The following KMT2D variants were observed in gnomAD, a reference collection of about 807,000 sequenced individuals.
KMT2D encodes lysine methyltransferase 2D, also known as histone-lysine N-methyltransferase 2D.
In KMT2D, 55 loss-of-function variants were observed where a neutral mutation model predicts 512.7. That is an observed-to-expected ratio of 0.11 (90% CI 0.09 to 0.13). The LOEUF (loss-of-function observed/expected upper bound fraction) is 0.13. Among genes scored for constraint, KMT2D ranks in the 10% least tolerant of loss-of-function variants. The pLI is 1.00. For synonymous variants in KMT2D, 2,995 were observed against 2,904.0 expected (o/e 1.03, Z -1.01); for missense variants, 6,061 against 7,127.9 (o/e 0.85, Z 5.39).
At chr12:49,057,961 T>C (rs1423933555) in intron 1 of KMT2D, among the ~76,000 whole-genome samples, 1 of 152,064 alleles carries the variant, frequency 6.6e-6, no homozygotes, top group Non-Finnish European at 1.5e-5. Context: ...CTCAACCCAC[T>C]CTCCTTCCTG....
intron 13 of KMT2D, among the ~76,000 whole-genome samples, 161 bp downstream of exon 13, chr12:49,048,944 A>T (rs1937730539): frequency 6.6e-6 from 1 of 152,264 alleles, no homozygotes; most frequent in Admixed American, 6.5e-5. Context: ...CTGATAGCAG[A>T]GATTTCAGAA....
rs7488249 is a variant in KMT2D, at chr12:49,022,892, T to A, written c.16053-17A>T. On this transcript the variant is annotated splice_polypyrimidine_tract_variant and intron_variant, in intron 51 of 54. Coordinates refer to ENST00000301067, the MANE Select transcript of KMT2D (RefSeq NM_003482.4). This position sits in a 1 kb window ranked among gnomAD's most constrained non-coding sequence, Gnocchi z 8.6. ...GTATGGGGCCTGGGAGGTGATATAA[T>A]CCATGACAAGACAGCTCTCCCTCAG... is the stretch of plus-strand genomic sequence containing the variant. 1 of 1,564,568 alleles carries A rather than the reference T, an allele frequency of 6.4e-7. No homozygotes were observed. Among genetic ancestry groups the A allele is most frequent in the Non-Finnish European group, 8.7e-7 (1 of 1,152,016 alleles).
chr12:49,027,721 T>C (rs528849416), intron 48 of KMT2D, 82 bp downstream of exon 48: 31 of 1,516,662 alleles, frequency 2.0e-5, no homozygotes, highest in Non-Finnish European at 2.7e-5. Flanking sequence ...CCCAAAGCAC[T>C]GGGATTACAG....
intron 44 of KMT2D, 34 bp downstream of exon 44, chr12:49,029,367 T>C (rs1942771544): frequency 7.7e-6 from 12 of 1,556,612 alleles, no homozygotes; most frequent in Non-Finnish European, 9.6e-6. Flanking sequence ...ACCCCACCCT[T>C]GTTCCTCATC....
Position 49,027,746 on chromosome 12 carries a change from G to A in KMT2D, c.14643+57C>T, listed in dbSNP as rs191006704. The A allele has an allele frequency of 6.7e-4, 1,035 of 1,548,872 alleles. 2 individuals carry two copies. The highest frequency in any genetic ancestry group is 8.8e-4 in the Non-Finnish European group (1,005 of 1,144,790). The stretch of plus-strand genomic sequence containing the variant: ...TGGGATTACAGATGTGAGCCACCGC[G>A]CCTGGCCGGCAGCCCCTTTTTTCTA... On this transcript the variant is annotated intron_variant, in intron 48 of 54. Coordinates refer to ENST00000301067, the MANE Select transcript of KMT2D (RefSeq NM_003482.4).
In KMT2D at chr12:49,046,228, G is replaced by C. The variant is rs2120603066; in HGVS notation, c.4583+32C>G. The C allele has an allele frequency of 6.2e-7, 1 of 1,613,748 alleles. No homozygotes were observed. The highest frequency in any genetic ancestry group is 8.5e-7 in the Non-Finnish European group (1 of 1,179,750). ...CTCAGGCAATGCGAGGCTGGCAACA[G>C]GGCCAAAGTGAGGAGAAAGGGATGT... On this transcript the variant is annotated intron_variant, in intron 17 of 54. Coordinates refer to ENST00000301067, the MANE Select transcript of KMT2D (RefSeq NM_003482.4). The surrounding 1 kb of genome is among the most constrained non-coding windows in gnomAD (Gnocchi z 4.2).
At position 49,051,203 on chromosome 12, in the gene KMT2D, TG is replaced by T; in HGVS notation, c.2479del (p.Gln827AsnfsTer103). On this transcript the variant is annotated frameshift_variant, in exon 11 of 55. Transcript: ENST00000301067. LOFTEE classifies it high-confidence loss of function. ...PVPEEPCLSPQPEESHLSPQS... is the reference protein window; with the variant it reads ...PVPEEPCLSPXPEESHLSPQS... Reference sequence around the variant, plus strand: ...GGGGGACAGGTGTGATTCCTCAGGTTGGGGGGACAAGCATGGCTCCTCAGGC... The same window carrying T: ...GGGGGACAGGTGTGATTCCTCAGGTTGGGGGACAAGCATGGCTCCTCAGGC... 4.4e-6 allele frequency: 6 copies of T among 1,361,888 alleles called. No individual in the cohort carries two copies. Among genetic ancestry groups the T allele is most frequent in the Non-Finnish European group, 5.8e-6 (6 of 1,038,972 alleles). The allele number at this position is 1,361,888 out of a possible 1,614,324, so 84.4% of individuals were successfully genotyped here.
chr12:49,027,217 G>A lies in KMT2D; in HGVS notation c.14749C>T (p.Pro4917Ser), dbSNP rs587778485. 4 of 1,543,118 alleles carry A rather than the reference G, an allele frequency of 2.6e-6. No homozygotes were observed. Among genetic ancestry groups the A allele is most frequent in the African/African-American group, 2.8e-5 (2 of 72,444 alleles). ...GGAGAAGGTGCCAAGGGGGAAGGGG[G>A]CGGGGAGGGTTCTTCAGGAGGTGGG... ...SAPPPEEPSP[P>S]PSPLAPSPAS... The change falls in exon 49 of 55, where the codon CCC becomes TCC. Residue 4917 changes from proline to serine, a missense_variant. Physicochemically the swap from Pro to Ser is moderately conservative, Grantham distance 74. Around this residue, in one of 16 missense-constraint regions of KMT2D, gnomAD observed 1,600 missense variants for 1,754.9 expected, o/e 0.91. Coordinates refer to ENST00000301067, the MANE Select transcript of KMT2D (RefSeq NM_003482.4).
Position 49,041,470 on chromosome 12 carries a change from C to G in KMT2D, c.6300G>C (p.Pro2100=), listed in dbSNP as rs914229837. 1.2e-6 allele frequency: 2 copies of G among 1,613,388 alleles called. No homozygotes were observed. Among genetic ancestry groups the G allele is most frequent in the Non-Finnish European group, 8.5e-7 (1 of 1,179,546 alleles). Residue 2100 remains proline (P), a synonymous_variant, in exon 32 of 55, where the codon CCG becomes CCC. Transcript: ENST00000301067. This position sits in a 1 kb window ranked among gnomAD's most constrained non-coding sequence, Gnocchi z 5.4. ...GCGGGGGAATGCGGAGATGTAGGGC[C>G]GGTCGGTCAGTCTTACGGGCTATGT... The part of the protein sequence containing the change: ...VGDIARKTDR[P]ALHLRIPPQP...
chr12:49,046,716 G>T lies in KMT2D; in HGVS notation c.4311C>A (p.Ser1437=), dbSNP rs754428432. Residue 1437 remains serine (S), a synonymous_variant, in exon 16 of 55, where the codon TCC becomes TCA. Coordinates refer to ENST00000301067, the MANE Select transcript of KMT2D (RefSeq NM_003482.4). The surrounding 1 kb of genome is among the most constrained non-coding windows in gnomAD (Gnocchi z 4.2). ...CACAGAGCAGCAGGCGTGAGGGGTC[G>T]GAGGCCTGGCCACACACCTCACACA... ...CIVCEVCGQA[S]DPSRLLLCDD... 6.2e-7 allele frequency: 1 copy of T among 1,613,866 alleles called. No individual in the cohort carries two copies.
intron 2 of KMT2D, 67 bp downstream of exon 2, chr12:49,055,208 GT>G: frequency 6.3e-7 from 1 of 1,584,102 alleles, no homozygotes; most frequent in Non-Finnish European, 8.7e-7. Context: ...TCATGTCCTT[GT>G]GCCAGGACCA....
At chr12:49,025,069 T>C (rs1188917637) in intron 49 of KMT2D, 123 bp from the exon 50 acceptor site, 39 of 1,176,970 alleles carry the variant, frequency 3.3e-5, no homozygotes, top group Non-Finnish European at 4.7e-5. Context: ...TGAAGTTGTG[T>C]TGGTCTTCCA....
chr12:49,024,301 C>T lies in KMT2D; in HGVS notation c.16052+277G>A, dbSNP rs1324234255. Reference sequence around the variant, plus strand: ...GGAGAAGAAAGAGGTGACCAAGTCCCTTATATATTTCATAAAATTTCACCA... The same window carrying T: ...GGAGAAGAAAGAGGTGACCAAGTCCTTTATATATTTCATAAAATTTCACCA... On this transcript the variant is annotated intron_variant, in intron 51 of 54. Transcript: ENST00000301067. The surrounding 1 kb of genome is among the most constrained non-coding windows in gnomAD (Gnocchi z 4.5). 1.3e-5 allele frequency among the ~76,000 whole-genome samples: 2 copies of T among 152,146 alleles called. No individual in the cohort carries two copies. Among genetic ancestry groups the T allele is most frequent in the Admixed American group, 6.5e-5 (1 of 15,272 alleles).
intron 35 of KMT2D, 95 bp from the exon 36 acceptor site, chr12:49,035,030 G>A (rs2120463641): frequency 6.7e-7 from 1 of 1,492,996 alleles, no homozygotes; most frequent in Admixed American, 1.9e-5. Flanking sequence ...AACCACGCCA[G>A]GCAGAACAAT....
At position 49,026,148 on chromosome 12, in the gene KMT2D, TC is replaced by T; in HGVS notation, c.15784+33del. On this transcript the variant is annotated intron_variant, in intron 49 of 54. Transcript: ENST00000301067. This position sits in a 1 kb window ranked among gnomAD's most constrained non-coding sequence, Gnocchi z 9.6. ...TGACCCTGGGAGAAACTTTTCCCAT[TC>T]CATATTATCCATTTCAAGGGCCCAC... The T allele has an allele frequency of 6.6e-7, 1 of 1,520,428 alleles. No individual in the cohort carries two copies. Among genetic ancestry groups the T allele is most frequent in the Middle Eastern group, 1.8e-4 (1 of 5,638 alleles). 94.2% of individuals were successfully genotyped at this position (1,520,428 alleles called of 1,614,324 possible).
intron 12 of KMT2D, 61 bp from the exon 13 acceptor site, chr12:49,049,279 C>T: frequency 9.6e-7 from 1 of 1,041,842 alleles, no homozygotes; most frequent in Non-Finnish European, 1.4e-6. Flanking sequence ...TGGGTTTACA[C>T]ACTTGAACAG....
rs1057518571 is a variant in KMT2D at position 49,040,359 on chromosome 12, G to A, written c.7411C>T (p.Arg2471Ter). ...AAGGCAACTTCAGGGGGCTGGGGTC[G>A]GGGTGGCTTATGCAATGGGGCAAAT... ...DPFAPLHKPP[R>*]PQPPEVAFKA... The change falls in exon 32 of 55, where the codon CGA (arginine) becomes TGA (stop). Residue 2471 changes from arginine to a stop codon, truncating the protein, a stop_gained. Transcript: ENST00000301067. LOFTEE classifies it high-confidence loss of function. 1.3e-6 allele frequency: 2 copies of A among 1,565,948 alleles called. No homozygotes were observed. The highest frequency in any genetic ancestry group is 1.4e-5 in the African/African-American group (1 of 73,404).
Position 49,021,770 on chromosome 12 carries a change from T to C in KMT2D, c.*10A>G. 1 of 1,609,676 alleles carries C rather than the reference T, an allele frequency of 6.2e-7. No individual in the cohort carries two copies. Among genetic ancestry groups the C allele is most frequent in the Non-Finnish European group, 8.5e-7 (1 of 1,176,024 alleles). On this transcript the variant is annotated 3_prime_UTR_variant, in exon 55 of 55. Transcript: ENST00000301067. Reference sequence around the variant, plus strand: ...AGGGGGACTCCCCTGCCTGGTAGCCTCAAAGCTTCTTAGTTCATCCATTTC... The same window carrying C: ...AGGGGGACTCCCCTGCCTGGTAGCCCCAAAGCTTCTTAGTTCATCCATTTC...
At position 49,032,780 on chromosome 12, in the gene KMT2D, C is replaced by A. The variant is rs1942990850; in HGVS notation, c.11925G>T (p.Met3975Ile). The A allele has an allele frequency of 1.3e-6, 2 of 1,558,248 alleles. No homozygotes were observed. Among genetic ancestry groups the A allele is most frequent in the African/African-American group, 2.7e-5 (2 of 73,348 alleles). The stretch of plus-strand genomic sequence containing the variant: ...AAGTTCGACTCTGGTTTAAAAGGCC[C>A]ATCTGCTGCTGTTGCTGCTGCTGTT... Reference protein sequence around the residue: ...QFQQQQQQQQMGLLNQSRTLL... With the variant: ...QFQQQQQQQQIGLLNQSRTLL... Residue 3975 changes from methionine to isoleucine, a missense_variant, in exon 40 of 55, where the codon ATG (methionine) becomes ATT (isoleucine). Coordinates refer to ENST00000301067, the MANE Select transcript of KMT2D (RefSeq NM_003482.4).
Sources: allele counts gnomAD v4.1 joint callset (sites outside exome capture counted in the v4.1 genomes callset), GRCh38; gene constraint gnomAD v4.1.1; regional missense constraint gnomAD v4.1.1; non-coding constraint Gnocchi (gnomAD v3.1); transcripts MANE v1.5; gene names NCBI Gene and HGNC (gene_info 2026-07-23, HGNC 2026-07-21).